Variants in ANKLE1 observed in about 807,000 individuals in gnomAD.
The protein encoded by ANKLE1 is ankyrin repeat and LEM domain containing 1, also known as structure-specific endonuclease ANKLE1.
ANKLE1 carries 59 observed loss-of-function variants against 56.2 expected under a neutral mutation model. The observed-to-expected ratio is 1.05, with a 90% CI of 0.85 to 1.30. ANKLE1 has a LOEUF of 1.30. ANKLE1 is among the 50% of genes most tolerant of loss of function. The probability of loss-of-function intolerance (pLI) is 0.00; values close to 1 mark genes in which losing one functional copy is unlikely to be tolerated. For synonymous variants in ANKLE1, 341 were observed against 352.9 expected, an observed-to-expected ratio of 0.97 and a Z score of 0.38; for missense variants, 771 against 816.1, an observed-to-expected ratio of 0.94 and a Z score of 0.67.
chr19:17,283,172 A>T lies in ANKLE1; in HGVS notation c.461-53A>T, dbSNP rs1055062258. 1.9e-6 allele frequency: 3 copies of T among 1,568,594 alleles called. No homozygotes were observed. The African/African-American group carries it at 4.1e-5, about 21-fold the overall frequency. ...CCTTTTTCTGTTTGATCCTATTCTC[A>T]TCGCTGTCTCATCCCTCCTCCTCTC... On this transcript the variant is annotated intron_variant, in intron 4 of 8. Transcript: ENST00000404085.
rs2145634298 is a variant in ANKLE1 at position 17,282,055 on chromosome 19, A to G, written c.63-2A>G. ...GGTCCACTCTGACCGCGGTGTTTGC[A>G]GGGCAGTAGAGGAGCTGCTGCGCTG... On this transcript the variant is annotated splice_acceptor_variant, in intron 1 of 8. Transcript: ENST00000404085. LOFTEE classifies it high-confidence loss of function. 1 of 1,538,542 alleles carries G rather than the reference A, an allele frequency of 6.5e-7. No individual in the cohort carries two copies. The highest frequency in any genetic ancestry group is 8.7e-7 in the Non-Finnish European group (1 of 1,146,588).
chr19:17,285,531 G>T lies in ANKLE1; in HGVS notation c.1477G>T (p.Ala493Ser), dbSNP rs1451069602. The change falls in exon 7 of 9, where the codon GCC (alanine) becomes TCC (serine). Residue 493 changes from alanine to serine, a missense_variant. Coordinates refer to ENST00000404085, the MANE Select transcript of ANKLE1 (RefSeq NM_152363.6). Reference sequence around the variant, plus strand: ...CTTCTACGTGGGCAAAGGGACGAGGGCCCGGCCATATGTCCACCTCTGGGA... The same window carrying T: ...CTTCTACGTGGGCAAAGGGACGAGGTCCCGGCCATATGTCCACCTCTGGGA... ...AIFYVGKGTR[A>S]RPYVHLWEAL... The T allele has an allele frequency of 6.2e-7, 1 of 1,613,798 alleles. No individual in the cohort carries two copies. The highest frequency in any genetic ancestry group is 2.2e-5 in the East Asian group (1 of 44,870).
In ANKLE1 at chr19:17,285,303, G is replaced by T; in HGVS notation, c.1377-128G>T. 19 of 1,109,758 alleles carry T rather than the reference G, an allele frequency of 1.7e-5. No individual in the cohort carries two copies. In the South Asian group the frequency reaches 2.9e-4, roughly 17 times the overall value. The allele number at this position is 1,109,758 out of a possible 1,614,324, so 68.7% of individuals were successfully genotyped here. A position where few individuals can be genotyped will look rare whatever the true frequency, so the allele number is the denominator to read the frequency against. On this transcript the variant is annotated intron_variant, in intron 6 of 8. Transcript: ENST00000404085. ...AGCTGCTGAATGTCTTTGGGGAGCCGCTGACTCTCTCTGATCCTGTAATCA... is the reference window on the plus strand; with the variant it reads ...AGCTGCTGAATGTCTTTGGGGAGCCTCTGACTCTCTCTGATCCTGTAATCA...
Position 17,281,917 on chromosome 19 carries a change from G to T in ANKLE1, c.-4G>T. ...AGGCGGTGCGCTTCGGACCCAGCCAGGGCATGTGCTCGGAGGCCCGCCTGG... is the reference window on the plus strand; with the variant it reads ...AGGCGGTGCGCTTCGGACCCAGCCATGGCATGTGCTCGGAGGCCCGCCTGG... On this transcript the variant is annotated 5_prime_UTR_variant, in exon 1 of 9. In the 5' UTR this introduces an upstream ATG that the reference lacks. Transcript: ENST00000404085. The T allele has an allele frequency of 6.5e-7, 1 of 1,535,178 alleles. No homozygotes were observed. Among genetic ancestry groups the T allele is most frequent in the Non-Finnish European group, 8.7e-7 (1 of 1,146,110 alleles).
In ANKLE1 at chr19:17,283,490, G is replaced by T. The variant is rs143277936; in HGVS notation, c.726G>T (p.Gly242=). 2.5e-6 allele frequency: 4 copies of T among 1,613,020 alleles called. No homozygotes were observed. The highest frequency in any genetic ancestry group is 3.4e-6 in the Non-Finnish European group (4 of 1,179,634). The change falls in exon 5 of 9, where the codon GGG becomes GGT. Residue 242 remains glycine (G), a synonymous_variant. Transcript: ENST00000404085. ...DPASDTPPWA[G]SLPPTRQGLL... is the part of the protein sequence containing the mutation. ...CCTCGGACACTCCCCCCTGGGCTGG[G>T]TCATTGCCACCGACCAGGCAGGGAC...
rs535241573 is a variant in ANKLE1, at chr19:17,282,028, G to A, written c.63-29G>A. On this transcript the variant is annotated intron_variant, in intron 1 of 8. Coordinates refer to ENST00000404085, the MANE Select transcript of ANKLE1 (RefSeq NM_152363.6). Reference sequence around the variant, plus strand: ...GGGCCAGGAGTGGGGGTCTTTGGCCGGGGTCCACTCTGACCGCGGTGTTTG... The same window carrying A: ...GGGCCAGGAGTGGGGGTCTTTGGCCAGGGTCCACTCTGACCGCGGTGTTTG... 4.6e-6 allele frequency: 7 copies of A among 1,536,800 alleles called. No homozygotes were observed. The South Asian group carries it at 4.8e-5, about 10-fold the overall frequency.
intron 8 of ANKLE1, 131 bp downstream of exon 8, chr19:17,285,950 C>A (rs2074026728): frequency 7.7e-7 from 1 of 1,293,226 alleles, no homozygotes; most frequent in South Asian, 1.4e-5. Context: ...TGAACCTGCA[C>A]ATGCATGTAT....
At position 17,281,930 on chromosome 19, in the gene ANKLE1, G is replaced by T. The variant is rs1395268082; in HGVS notation, c.10G>T (p.Glu4Ter). The change falls in exon 1 of 9, where the codon GAG becomes TAG. Residue 4 changes from glutamate (E) to a stop codon, truncating the protein, a stop_gained. Transcript: ENST00000404085. LOFTEE classifies it high-confidence loss of function. MCS[E>*]ARLARRLRDA... The stretch of plus-strand genomic sequence containing the variant: ...CGGACCCAGCCAGGGCATGTGCTCG[G>T]AGGCCCGCCTGGCTCGCAGGTTGCG... The T allele has an allele frequency of 1.7e-5, 26 of 1,534,666 alleles. No individual in the cohort carries two copies. The highest frequency in any genetic ancestry group is 2.3e-5 in the Non-Finnish European group (26 of 1,145,830).
chr19:17,282,800 GC>G, intron 3 of ANKLE1, 39 bp downstream of exon 3: 1 of 1,573,412 alleles, frequency 6.4e-7, no homozygotes. Context: ...GGCTGGGTGA[GC>G]CCAGAGGGAG....
Position 17,282,663 on chromosome 19 carries a change from G to A in ANKLE1, c.223G>A (p.Glu75Lys), listed in dbSNP as rs2073985205. 2 of 1,534,182 alleles carry A rather than the reference G, an allele frequency of 1.3e-6. No individual in the cohort carries two copies. Among genetic ancestry groups the A allele is most frequent in the Non-Finnish European group, 1.7e-6 (2 of 1,146,488 alleles). The change falls in exon 3 of 9, where the codon GAG becomes AAG. Residue 75 changes from glutamate to lysine, a missense_variant. Physicochemically the swap from Glu to Lys is moderately conservative, Grantham distance 56 (BLOSUM62 1). Coordinates refer to ENST00000404085, the MANE Select transcript of ANKLE1 (RefSeq NM_152363.6). ...CTTGCGCTGCCGCCCCAGATCTGTC[G>A]AGGCACTGACGCCGCTGCATGTGGC... ...QGGDPNARSV[E>K]ALTPLHVAAA...
rs770363021 is a variant in ANKLE1 at position 17,286,479 on chromosome 19, A to AC, written c.1777dup (p.Arg593ProfsTer9). 9.9e-6 allele frequency: 16 copies of AC among 1,612,694 alleles called. 1 individual carries two copies. In the South Asian group the frequency reaches 1.6e-4, roughly 17 times the overall value. On this transcript the variant is annotated frameshift_variant, in exon 9 of 9. Transcript: ENST00000404085. LOFTEE classifies it high-confidence loss of function. Reference sequence around the variant, plus strand: ...CGGCGCTTGGGGGTGCACCTGCTGCACCGTGCCCTCCTTGTCTTCCTGGCT... The same window carrying AC: ...CGGCGCTTGGGGGTGCACCTGCTGCACCCGTGCCCTCCTTGTCTTCCTGGCT...
At position 17,283,332 on chromosome 19, in the gene ANKLE1, C is replaced by G. The variant is rs1306820278; in HGVS notation, c.568C>G (p.Pro190Ala). ...RDIGLEADPG[P>A]PSLPVPLETV... ...CATTGGCTTGGAGGCTGACCCAGGA[C>G]CCCCCAGCCTCCCTGTTCCCCTTGA... The change falls in exon 5 of 9, where the codon CCC (proline) becomes GCC (alanine). Residue 190 changes from proline to alanine, a missense_variant. Pro to Ala is a conservative substitution (Grantham distance 27). Coordinates refer to ENST00000404085, the MANE Select transcript of ANKLE1 (RefSeq NM_152363.6). 1 of 1,610,210 alleles carries G rather than the reference C, an allele frequency of 6.2e-7. No individual in the cohort carries two copies. The highest frequency in any genetic ancestry group is 1.7e-5 in the Admixed American group (1 of 59,966).
At chr19:17,283,105 A>G (rs945585854) in intron 4 of ANKLE1, 103 bp downstream of exon 4, 3 of 1,541,354 alleles carry the variant, frequency 1.9e-6, no homozygotes, top group African/African-American at 2.7e-5. Context: ...TCTCACATCC[A>G]CTATTTGTGG....
intron 4 of ANKLE1, 106 bp downstream of exon 4, chr19:17,283,108 AT>A: frequency 2.6e-6 from 4 of 1,541,268 alleles, no homozygotes; most frequent in Non-Finnish European, 3.5e-6. Flanking sequence ...CACATCCACT[AT>A]TTGTGGCCAG....
Position 17,286,497 on chromosome 19 carries a change from T to C in ANKLE1, c.1793T>C (p.Phe598Ser). The C allele has an allele frequency of 6.2e-7, 1 of 1,612,592 alleles. No homozygotes were observed. The change falls in exon 9 of 9, where the codon TTC becomes TCC. Residue 598 changes from phenylalanine to serine, a missense_variant. Transcript: ENST00000404085. ...CTGCTGCACCGTGCCCTCCTTGTCTTCCTGGCTGAAGGCGAGCGACAGCTT... is the reference window on the plus strand; with the variant it reads ...CTGCTGCACCGTGCCCTCCTTGTCTCCCTGGCTGAAGGCGAGCGACAGCTT... ...VHLLHRALLVFLAEGERQLHP... is the reference protein window; with the variant it reads ...VHLLHRALLVSLAEGERQLHP...
chr19:17,286,680 G>T lies in ANKLE1; in HGVS notation c.*128G>T, dbSNP rs760441656. The T allele has an allele frequency of 1.7e-4, 180 of 1,052,998 alleles. No homozygotes were observed. The highest frequency in any genetic ancestry group is 5.1e-4 in the African/African-American group (21 of 41,544). 65.2% of individuals were successfully genotyped at this position (1,052,998 alleles called of 1,614,324 possible). A position where few individuals can be genotyped will look rare whatever the true frequency, so the allele number is the denominator to read the frequency against. On this transcript the variant is annotated 3_prime_UTR_variant, in exon 9 of 9. Coordinates refer to ENST00000404085, the MANE Select transcript of ANKLE1 (RefSeq NM_152363.6). ...TGTGTGTGTGTGTGTGTGTGTGTGTGTGTGTGTGTGTTTGTGTGTGTGTGT... is the reference window on the plus strand; with the variant it reads ...TGTGTGTGTGTGTGTGTGTGTGTGTTTGTGTGTGTGTTTGTGTGTGTGTGT...
rs915586217 is a variant in ANKLE1, at chr19:17,284,226, G to A, written c.1336G>A (p.Val446Ile). ...TCCTGCCAGGAGGTGGCGGGAGGGGGTCGTGAAGTCTAGCTTCACCTATCT... is the reference window on the plus strand; with the variant it reads ...TCCTGCCAGGAGGTGGCGGGAGGGGATCGTGAAGTCTAGCTTCACCTATCT... Reference protein sequence around the residue: ...PDPARRWREGVVKSSFTYLLL... With the variant: ...PDPARRWREGIVKSSFTYLLL... Residue 446 changes from valine to isoleucine, a missense_variant, in exon 6 of 9, where the codon GTC becomes ATC. Transcript: ENST00000404085. The A allele has an allele frequency of 1.2e-6, 2 of 1,613,730 alleles. No individual in the cohort carries two copies. The highest frequency in any genetic ancestry group is 1.3e-5 in the African/African-American group (1 of 74,916).
At chr19:17,285,342 A>T (rs749142250) in intron 6 of ANKLE1, 89 bp from the exon 7 acceptor site, 5 of 1,504,426 alleles carry the variant, frequency 3.3e-6, no homozygotes, top group Non-Finnish European at 2.7e-6. Flanking sequence ...GTCACTAGAC[A>T]TGGGTTCAAG....
Position 17,287,487 on chromosome 19 carries a change from C to T in ANKLE1, c.*935C>T, listed in dbSNP as rs959107198. Reference sequence around the variant, plus strand: ...CAACATCAGGACGTTAACCTTTAGACCCTATATGGTCTAAAAAGGGGAGGC... The same window carrying T: ...CAACATCAGGACGTTAACCTTTAGATCCTATATGGTCTAAAAAGGGGAGGC... On this transcript the variant is annotated 3_prime_UTR_variant, in exon 9 of 9. Transcript: ENST00000404085. The T allele has an allele frequency of 2.6e-5, 4 of 151,934 alleles. No homozygotes were observed. The highest frequency in any genetic ancestry group is 2.0e-4 in the Admixed American group (3 of 15,278). The allele number at this position is 151,934 out of a possible 1,614,324, so 9.4% of individuals were successfully genotyped here. A position where few individuals can be genotyped will look rare whatever the true frequency, so the allele number is the denominator to read the frequency against.
Sources: gnomAD v4.1 joint callset for allele counts on GRCh38, gnomAD v4.1.1 for gene constraint, MANE v1.5 for transcripts, NCBI Gene and HGNC (gene_info 2026-07-23, HGNC 2026-07-21) for gene names.